The following FMN2 variants were observed in gnomAD, a reference collection of about 807,000 sequenced individuals.
The protein encoded by FMN2 is formin 2.
Under a neutral mutation model 142.3 loss-of-function variants are expected in FMN2, and 51 were observed. That is an observed-to-expected ratio of 0.36 (90% confidence interval 0.29 to 0.45). The LOEUF (loss-of-function observed/expected upper bound fraction) is 0.45, where lower values mean the gene tolerates loss of function less well. Ranked by LOEUF, FMN2 falls within the 20% of genes least tolerant of loss-of-function variation. The probability of loss-of-function intolerance (pLI) is 1.00; values close to 1 mark genes in which losing one functional copy is unlikely to be tolerated. For synonymous variants in FMN2, 882 were observed against 869.8 expected (o/e 1.01, Z -0.25); for missense variants, 1,936 against 2,122.8 (o/e 0.91, Z 1.73).
chr1:240,097,555 C>T (rs1311986282), intron 1 of FMN2, among the ~76,000 whole-genome samples: 1 of 152,082 alleles, frequency 6.6e-6, no homozygotes, highest in Non-Finnish European at 1.5e-5. Flanking sequence ...CGGGGTTTCA[C>T]CGTGTTAGCC....
rs1661017605 is a variant in FMN2 at position 240,092,499 on chromosome 1, G to GTCC, written c.392_393insCTC (p.Ser131dup). 1 of 1,607,028 alleles carries GTCC rather than the reference G, an allele frequency of 6.2e-7. No homozygotes were observed. Among genetic ancestry groups the GTCC allele is most frequent in the African/African-American group, 1.3e-5 (1 of 74,784 alleles). On this transcript the variant is annotated inframe_insertion, in exon 1 of 18. Coordinates refer to ENST00000319653, the MANE Select transcript of FMN2 (RefSeq NM_020066.5). Reference sequence around the variant, plus strand: ...GCCTCTCGGCGGACGAGGCCGGCCTGTCGGATACCGAGTGTGCGGACCCTT... The same window carrying GTCC: ...GCCTCTCGGCGGACGAGGCCGGCCTGTCCTCGGATACCGAGTGTGCGGACCCTT...
intron 16 of FMN2, among the ~76,000 whole-genome samples, chr1:240,461,232 G>T (rs1676440043): frequency 6.6e-6 from 1 of 152,172 alleles, no homozygotes; most frequent in African/African-American, 2.4e-5. Context: ...CTACAAGTCT[G>T]CCACAAATTA....
chr1:240,139,153 C>T (rs758072643), intron 2 of FMN2, among the ~76,000 whole-genome samples: 2 of 152,180 alleles, frequency 1.3e-5, no homozygotes, highest in Admixed American at 6.5e-5. Flanking sequence ...AGAGGGTAGA[C>T]GTGAGAAGCC....
At chr1:240,260,735 C>T (rs1481048194) in intron 7 of FMN2, among the ~76,000 whole-genome samples, 1 of 152,140 alleles carries the variant, frequency 6.6e-6, no homozygotes, top group Non-Finnish European at 1.5e-5. Context: ...TTCCTTTTGA[C>T]ACGCGGAAGC....
At chr1:240,419,116 A>G (rs1191640122) in intron 15 of FMN2, among the ~76,000 whole-genome samples, 1 of 152,210 alleles carries the variant, frequency 6.6e-6, no homozygotes, top group Non-Finnish European at 1.5e-5. Flanking sequence ...CTCAAAAAAT[A>G]AAAAATATAA....
At chr1:240,415,028 G>A (rs1278051357) in intron 15 of FMN2, among the ~76,000 whole-genome samples, 1 of 152,154 alleles carries the variant, frequency 6.6e-6, no homozygotes, top group Non-Finnish European at 1.5e-5. Context: ...CATTGATGCA[G>A]CTTAGCAGAA....
chr1:240,465,814 G>A (rs894226839), intron 16 of FMN2, among the ~76,000 whole-genome samples: 1 of 152,238 alleles, frequency 6.6e-6, no homozygotes, highest in Non-Finnish European at 1.5e-5. Context: ...CGGTCTGAAA[G>A]GTGGATGAAG....
intron 2 of FMN2, chr1:240,144,006 C>G: frequency 4.2e-6 from 5 of 1,200,342 alleles, no homozygotes; most frequent in Non-Finnish European, 6.2e-6. Flanking sequence ...GGGACACACT[C>G]ATTCCAGACC....
At chr1:240,218,631 T>G (rs1476559677) in intron 6 of FMN2, among the ~76,000 whole-genome samples, 1 of 152,166 alleles carries the variant, frequency 6.6e-6, no homozygotes, top group Admixed American at 6.5e-5. Context: ...ACAGCCAATT[T>G]AGAGTGGAGC....
intron 15 of FMN2, among the ~76,000 whole-genome samples, chr1:240,425,745 C>T (rs1038064651): frequency 6.6e-6 from 1 of 152,162 alleles, no homozygotes; most frequent in Non-Finnish European, 1.5e-5. Context: ...TCTGCCAGCA[C>T]GTGAACCTGA....
At chr1:240,138,897 G>T (rs1663065666) in intron 2 of FMN2, among the ~76,000 whole-genome samples, 2 of 152,164 alleles carry the variant, frequency 1.3e-5, no homozygotes, top group Non-Finnish European at 2.9e-5. Flanking sequence ...ATTTGGGAAA[G>T]AAATTTGGGA....
At chr1:240,219,877 T>G (rs942981321) in intron 6 of FMN2, among the ~76,000 whole-genome samples, 2 of 152,158 alleles carry the variant, frequency 1.3e-5, no homozygotes, top group African/African-American at 4.8e-5. Flanking sequence ...CATGCTGGTC[T>G]TGTACTCCTG....
At chr1:240,339,558 T>TA (rs1185199373) in intron 13 of FMN2, among the ~76,000 whole-genome samples, 1 of 152,102 alleles carries the variant, frequency 6.6e-6, no homozygotes, top group Non-Finnish European at 1.5e-5. Flanking sequence ...AAAATATACA[T>TA]ACAAAATTTA....
intron 15 of FMN2, among the ~76,000 whole-genome samples, chr1:240,407,732 G>A (rs1462503513): frequency 1.3e-5 from 2 of 152,118 alleles, no homozygotes; most frequent in Admixed American, 6.5e-5. Flanking sequence ...AAGGTCCAAG[G>A]TTTTCCACAG....
At chr1:240,427,817 G>A (rs966129938) in intron 15 of FMN2, among the ~76,000 whole-genome samples, 2 of 152,162 alleles carry the variant, frequency 1.3e-5, no homozygotes, top group Non-Finnish European at 2.9e-5. Flanking sequence ...TTACTTTATA[G>A]GTGGTATGGT....
Position 240,306,000 on chromosome 1 carries a change from A to G in FMN2, c.4215+11117A>G, listed in dbSNP as rs1159656816. Among the ~76,000 whole-genome samples the G allele has an allele frequency of 9.5e-5, 14 of 146,736 alleles. No homozygotes were observed. The Admixed American group carries it at 9.6e-4, about 10-fold the overall frequency. On this transcript the variant is annotated intron_variant, in intron 8 of 17. Coordinates refer to ENST00000319653, the MANE Select transcript of FMN2 (RefSeq NM_020066.5). Reference sequence around the variant, plus strand: ...AATCTTGCTCTGTCACCCAGGCTGGAGTGCGGTGACGTGATCTCGGCTCAC... The same window carrying G: ...AATCTTGCTCTGTCACCCAGGCTGGGGTGCGGTGACGTGATCTCGGCTCAC...
rs1161796244 is a variant in FMN2, at chr1:240,307,456, T to C, written c.4215+12573T>C. On this transcript the variant is annotated intron_variant, in intron 8 of 17. Coordinates refer to ENST00000319653, the MANE Select transcript of FMN2 (RefSeq NM_020066.5). ...AGGTAGTGGTCCGGTTTCATTCTTC[T>C]GCATATGGTTAGCCAGTTTTCACAA... Among the ~76,000 whole-genome samples, 27 of 152,352 alleles carry C rather than the reference T, an allele frequency of 1.8e-4. 1 individual carries two copies. The highest frequency in any genetic ancestry group is 7.2e-4 in the Admixed American group (11 of 15,306).
Position 240,277,468 on chromosome 1 carries a change from A to G in FMN2, c.4154-17354A>G, listed in dbSNP as rs149557026. On this transcript the variant is annotated intron_variant, in intron 7 of 17. Transcript: ENST00000319653. Reference sequence around the variant, plus strand: ...TTTTTTTTCAAATAAATGGAGGGAGAAGGATGTGTTTTATGAAGATTATGC... The same window carrying G: ...TTTTTTTTCAAATAAATGGAGGGAGGAGGATGTGTTTTATGAAGATTATGC... Among the ~76,000 whole-genome samples, 136 of 145,428 alleles carry G rather than the reference A, an allele frequency of 9.4e-4. 1 individual carries two copies. In the East Asian group the frequency reaches 0.021, roughly 22 times the overall value.
At chr1:240,186,316 C>G (rs1368579081) in intron 3 of FMN2, among the ~76,000 whole-genome samples, 1 of 152,124 alleles carries the variant, frequency 6.6e-6, no homozygotes, top group Non-Finnish European at 1.5e-5. Context: ...TTCATTCACT[C>G]CTACAATTAC....
Sources: gnomAD v4.1 joint callset for allele counts (sites outside exome capture counted in the v4.1 genomes callset) on GRCh38, gnomAD v4.1.1 for gene constraint, MANE v1.5 for transcripts, NCBI Gene and HGNC (gene_info 2026-07-23, HGNC 2026-07-21) for gene names.